Variants in CACNA1A observed in about 807,000 individuals in gnomAD.
CACNA1A encodes calcium voltage-gated channel subunit alpha1 A, also known as voltage-dependent P/Q-type calcium channel subunit alpha-1A.
Under a neutral mutation model 262.4 loss-of-function variants are expected in CACNA1A, and 57 were observed. That is an observed-to-expected ratio of 0.22 (90% CI 0.18 to 0.27). CACNA1A has a LOEUF of 0.27. Ranked by LOEUF, CACNA1A falls within the 10% of genes least tolerant of loss-of-function variation. The pLI, the probability that CACNA1A is intolerant of heterozygous loss-of-function variation, is 1.00. For missense variants in CACNA1A, 2,526 were observed against 3,562.8 expected (o/e 0.71, Z 7.41); for synonymous variants, 1,431 against 1,419.3 (o/e 1.01, Z -0.18).
At chr19:13,475,366 G>T (rs1212491769) in intron 1 of CACNA1A, among the ~76,000 whole-genome samples, 1 of 152,192 alleles carries the variant, frequency 6.6e-6, no homozygotes, top group Non-Finnish European at 1.5e-5. Context: ...CTTACTTTGA[G>T]AGAGGGTCCA....
chr19:13,436,252 G>T (rs756261387), intron 3 of CACNA1A, among the ~76,000 whole-genome samples: 2 of 152,148 alleles, frequency 1.3e-5, no homozygotes, highest in East Asian at 1.9e-4. Flanking sequence ...CCCTTGGCTG[G>T]TACAGCTGCT....
intron 6 of CACNA1A, among the ~76,000 whole-genome samples, chr19:13,356,529 A>C (rs1157457272): frequency 1.3e-5 from 2 of 152,194 alleles, no homozygotes; most frequent in African/African-American, 4.8e-5. Flanking sequence ...CCCATTGGAC[A>C]ATGATGTTTA....
At chr19:13,340,594 T>G (rs141329019) in intron 6 of CACNA1A, among the ~76,000 whole-genome samples, 207 of 152,128 alleles carry the variant, frequency 1.4e-3, no homozygotes, top group African/African-American at 4.7e-3. Context: ...GCCCAGCTAA[T>G]TTTTCTATTT....
At chr19:13,387,647 T>C (rs1462562516) in intron 3 of CACNA1A, among the ~76,000 whole-genome samples, 4 of 152,014 alleles carry the variant, frequency 2.6e-5, no homozygotes, top group South Asian at 2.1e-4. Context: ...TCAATAAATA[T>C]TTACAGAGGA....
chr19:13,471,465 A>T (rs960076100), intron 1 of CACNA1A, among the ~76,000 whole-genome samples: 2 of 152,082 alleles, frequency 1.3e-5, no homozygotes, highest in Non-Finnish European at 2.9e-5. Context: ...CCTACAGCTG[A>T]TGTATCATCA....
At chr19:13,371,662 C>T (rs1253018158) in intron 4 of CACNA1A, 26 bp downstream of exon 4, 3 of 1,539,238 alleles carry the variant, frequency 1.9e-6, no homozygotes, top group South Asian at 1.2e-5. Flanking sequence ...GAGCAAACCC[C>T]TTGTCAGGGT....
chr19:13,431,134 A>G (rs975378150), intron 3 of CACNA1A, among the ~76,000 whole-genome samples: 3 of 151,460 alleles, frequency 2.0e-5, no homozygotes. Flanking sequence ...TGAGGTTGTG[A>G]GCAAAGAGGA....
At chr19:13,408,908 G>A (rs964569469) in intron 3 of CACNA1A, among the ~76,000 whole-genome samples, 11 of 152,272 alleles carry the variant, frequency 7.2e-5, no homozygotes, top group African/African-American at 2.6e-4. Flanking sequence ...TGGGAGGCAG[G>A]GACGAGGAAG....
At chr19:13,464,738 CG>C (rs551816464) in intron 1 of CACNA1A, among the ~76,000 whole-genome samples, 8 of 150,818 alleles carry the variant, frequency 5.3e-5, no homozygotes, top group Non-Finnish European at 7.4e-5. Flanking sequence ...TTAGTAGAGA[CG>C]GGGTTTCACC....
At position 13,303,834 on chromosome 19, in the gene CACNA1A, A is replaced by G. The variant is rs1262169063; in HGVS notation, c.2037T>C (p.Ser679=). 1 of 1,613,696 alleles carries G rather than the reference A, an allele frequency of 6.2e-7. No homozygotes were observed. The highest frequency in any genetic ancestry group is 1.1e-5 in the South Asian group (1 of 91,062). ...CCATGCCGCCCTGCACGCCCCCCTG[A>G]GACTTGATCCCGTCGTACATGACCT... The part of the protein sequence containing the change: ...WNEVMYDGIK[S]QGGVQGGMVF... Residue 679 remains serine (S), a synonymous_variant, in exon 16 of 47, where the codon TCT becomes TCC. Transcript: ENST00000360228.
chr19:13,326,324 G>C (rs1254357293), intron 10 of CACNA1A, among the ~76,000 whole-genome samples: 3 of 143,738 alleles, frequency 2.1e-5, no homozygotes, highest in Admixed American at 6.8e-5. Context: ...CAAAAAAAAA[G>C]AAAAAAAAGA....
intron 31 of CACNA1A, among the ~76,000 whole-genome samples, chr19:13,240,321 A>AATGTGTGAATGCAGACT: frequency 6.7e-6 from 1 of 150,270 alleles, no homozygotes; most frequent in East Asian, 2.0e-4. Flanking sequence ...CTGTGTGTTC[A>AATGTGTGAATGCAGACT]ATGTGTGAAT....
At chr19:13,415,646 C>A (rs1212302495) in intron 3 of CACNA1A, among the ~76,000 whole-genome samples, 1 of 147,538 alleles carries the variant, frequency 6.8e-6, no homozygotes, top group Non-Finnish European at 1.5e-5. Context: ...GAGGATGAGG[C>A]AGAGAATTGC....
chr19:13,223,022 TC>T (rs1331700519), intron 38 of CACNA1A, among the ~76,000 whole-genome samples: 4 of 151,958 alleles, frequency 2.6e-5, no homozygotes, highest in Admixed American at 6.6e-5. Context: ...AATGTTTTTT[TC>T]TTTTTCTTTC....
chr19:13,489,099 C>T (rs1332188949), intron 1 of CACNA1A, among the ~76,000 whole-genome samples: 3 of 145,246 alleles, frequency 2.1e-5, no homozygotes, highest in African/African-American at 7.9e-5. Flanking sequence ...GCAGCCTCTG[C>T]CTCCTGGGTT....
chr19:13,207,542 G>T lies in CACNA1A; in HGVS notation c.7292C>A (p.Ala2431Asp). The T allele has an allele frequency of 6.9e-7, 1 of 1,454,312 alleles. No individual in the cohort carries two copies. The allele number at this position is 1,454,312 out of a possible 1,614,324, so 90.1% of individuals were successfully genotyped here. A position where few individuals can be genotyped will look rare whatever the true frequency, so the allele number is the denominator to read the frequency against. ...PGSGGGEEAM[A>D]GAYDAPPPVR... ...GGGGGGTGGCGCGTCGTAGGCCCCG[G>T]CCATGGCCTCCTCGCCGCCCCCGCT... The change falls in exon 47 of 47, where the codon GCC becomes GAC. Residue 2431 changes from alanine to aspartate, a missense_variant. By Grantham distance (126) the Ala-to-Asp change is moderately radical (BLOSUM62 -2). Coordinates refer to ENST00000360228, the MANE Select transcript of CACNA1A (RefSeq NM_001127222.2). The surrounding 1 kb of genome is among the most constrained non-coding windows in gnomAD (Gnocchi z 5.7).
intron 4 of CACNA1A, chr19:13,370,837 A>G (rs2059310564): frequency 6.6e-6 from 1 of 151,598 alleles, no homozygotes; most frequent in Admixed American, 6.6e-5. Context: ...GCCTCAAGTG[A>G]TCCTCCCAAA....
At chr19:13,433,109 C>T (rs994437468) in intron 3 of CACNA1A, among the ~76,000 whole-genome samples, 4 of 151,818 alleles carry the variant, frequency 2.6e-5, no homozygotes, top group East Asian at 1.9e-4. Context: ...CTGGCTAACA[C>T]GGTGAAACCC....
chr19:13,438,096 G>T (rs1438782803), intron 3 of CACNA1A, among the ~76,000 whole-genome samples: 3 of 149,704 alleles, frequency 2.0e-5, no homozygotes, highest in Non-Finnish European at 4.4e-5. Flanking sequence ...GCTCTCAGCA[G>T]AGTTTTTGCT....
Sources: allele counts gnomAD v4.1 joint callset (sites outside exome capture counted in the v4.1 genomes callset), GRCh38; gene constraint gnomAD v4.1.1; non-coding constraint Gnocchi (gnomAD v3.1); transcripts MANE v1.5; gene names NCBI Gene and HGNC (gene_info 2026-07-23, HGNC 2026-07-21).